The following CHN2 variants were observed in gnomAD, a reference collection of about 807,000 sequenced individuals.
CHN2 encodes the protein chimerin 2, also known as beta-chimaerin.
Under a neutral mutation model 56.3 loss-of-function variants are expected in CHN2, and 35 were observed. That is an observed-to-expected ratio of 0.62 (90% CI 0.47 to 0.82). The LOEUF (loss-of-function observed/expected upper bound fraction) is 0.82. Ranked by LOEUF, CHN2 falls within the 40% of genes least tolerant of loss-of-function variation. The pLI is 0.00. For synonymous variants in CHN2, 210 were observed against 212.8 expected, an observed-to-expected ratio of 0.99 and a Z score of 0.12; for missense variants, 491 against 580.5, an observed-to-expected ratio of 0.85 and a Z score of 1.58.
intron 7 of CHN2, among the ~76,000 whole-genome samples, chr7:29,481,176 G>C (rs1056392382): frequency 3.9e-5 from 6 of 152,176 alleles, no homozygotes; most frequent in African/African-American, 1.4e-4. Flanking sequence ...TAGAGTTAGA[G>C]GCTTCACCCC....
chr7:29,451,084 C>T (rs994849664), intron 6 of CHN2, among the ~76,000 whole-genome samples: 1 of 152,052 alleles, frequency 6.6e-6, no homozygotes, highest in Non-Finnish European at 1.5e-5. Flanking sequence ...ACTTCTTATA[C>T]CATAATAAAT....
At chr7:29,405,362 C>T (rs967635344) in intron 6 of CHN2, among the ~76,000 whole-genome samples, 4 of 152,158 alleles carry the variant, frequency 2.6e-5, no homozygotes, top group Non-Finnish European at 2.9e-5. Flanking sequence ...GCTGGGAGAG[C>T]GTAATGATAG....
At chr7:29,207,055 A>C (rs1433537486) in intron 1 of CHN2, among the ~76,000 whole-genome samples, 2 of 152,240 alleles carry the variant, frequency 1.3e-5, no homozygotes, top group Non-Finnish European at 2.9e-5. Context: ...ATCTGTGAAT[A>C]AACTAAAAGT....
intron 6 of CHN2, among the ~76,000 whole-genome samples, chr7:29,453,543 C>G (rs1307454141): frequency 1.3e-5 from 2 of 151,912 alleles, no homozygotes; most frequent in African/African-American, 4.8e-5. Flanking sequence ...AGTTAGGACG[C>G]CCCCCCACGC....
intron 1 of CHN2, among the ~76,000 whole-genome samples, chr7:29,302,709 C>T (rs1056238022): frequency 6.6e-6 from 1 of 152,010 alleles, no homozygotes; most frequent in African/African-American, 2.4e-5. Flanking sequence ...GCTCCAGAGC[C>T]TTTTCATCTT....
chr7:29,445,764 G>C (rs189130917), intron 6 of CHN2, among the ~76,000 whole-genome samples: 5 of 151,912 alleles, frequency 3.3e-5, no homozygotes, highest in Admixed American at 2.6e-4. Flanking sequence ...CAAGGAGCTA[G>C]AGTAAATTTG....
intron 3 of CHN2, among the ~76,000 whole-genome samples, chr7:29,389,583 G>T (rs1297369626): frequency 6.6e-6 from 1 of 152,074 alleles, no homozygotes; most frequent in Non-Finnish European, 1.5e-5. Context: ...TTTGAGAAGT[G>T]TACCTTTAAG....
At chr7:29,287,012 C>T (rs982477894) in intron 1 of CHN2, among the ~76,000 whole-genome samples, 3 of 152,084 alleles carry the variant, frequency 2.0e-5, no homozygotes, top group Non-Finnish European at 4.4e-5. Flanking sequence ...ATAACTATCT[C>T]CCTTCCCCTG....
At position 29,479,822 on chromosome 7, in the gene CHN2, C is replaced by A. The variant is rs1266893320; in HGVS notation, c.577-457C>A. On this transcript the variant is annotated intron_variant, in intron 6 of 12. Transcript: ENST00000222792. ...CCCTGCCTCCCTGAATCCTCAGTGGCTGACTGGATACCGCTTCTGGGGGTT... is the reference window on the plus strand; with the variant it reads ...CCCTGCCTCCCTGAATCCTCAGTGGATGACTGGATACCGCTTCTGGGGGTT... The A allele has an allele frequency of 7.9e-6, 10 of 1,266,144 alleles. No homozygotes were observed. In the South Asian group the frequency reaches 1.8e-4, roughly 22 times the overall value. The allele number at this position is 1,266,144 out of a possible 1,614,324, so 78.4% of individuals were successfully genotyped here.
intron 6 of CHN2, chr7:29,479,995 AG>A: frequency 1.3e-6 from 2 of 1,484,058 alleles, no homozygotes; most frequent in Non-Finnish European, 1.8e-6. Flanking sequence ...TGCTGCAGAC[AG>A]GACCCAGCTG....
At chr7:29,368,503 G>T (rs1585178420) in intron 3 of CHN2, among the ~76,000 whole-genome samples, 3 of 152,254 alleles carry the variant, frequency 2.0e-5, no homozygotes, top group Admixed American at 2.0e-4. Flanking sequence ...TGTGTGGGAT[G>T]CCAGCAAGAT....
intron 6 of CHN2, among the ~76,000 whole-genome samples, chr7:29,478,728 A>G (rs1457718629): frequency 6.6e-6 from 1 of 152,198 alleles, no homozygotes; most frequent in African/African-American, 2.4e-5. Flanking sequence ...TCACACCCAT[A>G]TGCTGCAGAT....
chr7:29,399,556 C>T (rs1802035969), intron 5 of CHN2, among the ~76,000 whole-genome samples: 2 of 152,198 alleles, frequency 1.3e-5, no homozygotes, highest in South Asian at 4.1e-4. Context: ...TAGCCCTATA[C>T]ATTTCGGGGA....
At chr7:29,350,155 A>G (rs1562537314) in intron 1 of CHN2, among the ~76,000 whole-genome samples, 1 of 152,228 alleles carries the variant, frequency 6.6e-6, no homozygotes, top group Non-Finnish European at 1.5e-5. Context: ...ATGATGTGTC[A>G]GAGGTCTAGA....
intron 1 of CHN2, among the ~76,000 whole-genome samples, chr7:29,288,582 T>C (rs2051838): frequency 0.44 from 66,862 of 151,956 alleles, 14,933 homozygotes; most frequent in South Asian, 0.49. Flanking sequence ...CTCACTGTCT[T>C]AATAATCAAG....
At position 29,378,919 on chromosome 7, in the gene CHN2, C is replaced by T. The variant is rs139101721; in HGVS notation, c.144+10932C>T. Among the ~76,000 whole-genome samples the T allele has an allele frequency of 6.5e-4, 99 of 152,244 alleles. No homozygotes were observed. The South Asian group carries it at 7.9e-3, about 12-fold the overall frequency. ...GGCGGAGGTTGCAGTGAGCCGAGAT[C>T]GCACCACTGCACTCCAGCCTGGAGA... On this transcript the variant is annotated intron_variant, in intron 3 of 12. Coordinates refer to ENST00000222792, the MANE Select transcript of CHN2 (RefSeq NM_004067.4).
At chr7:29,476,573 AT>A (rs1297011469) in intron 6 of CHN2, among the ~76,000 whole-genome samples, 2 of 149,956 alleles carry the variant, frequency 1.3e-5, no homozygotes, top group Non-Finnish European at 3.0e-5. Flanking sequence ...AAAAAAAAAA[AT>A]ACACATATAT....
At chr7:29,415,209 G>C (rs1337625785) in intron 6 of CHN2, among the ~76,000 whole-genome samples, 1 of 152,236 alleles carries the variant, frequency 6.6e-6, no homozygotes, top group Non-Finnish European at 1.5e-5. Context: ...TAAGAAAGAA[G>C]TGGACTCTTT....
At chr7:29,451,121 C>A (rs983952456) in intron 6 of CHN2, among the ~76,000 whole-genome samples, 2 of 152,106 alleles carry the variant, frequency 1.3e-5, no homozygotes, top group South Asian at 4.1e-4. Context: ...CAACAACGCA[C>A]CCCCACCACC....
Sources: allele counts gnomAD v4.1 joint callset (sites outside exome capture counted in the v4.1 genomes callset), GRCh38; gene constraint gnomAD v4.1.1; transcripts MANE v1.5; gene names NCBI Gene and HGNC (gene_info 2026-07-23, HGNC 2026-07-21).